The following IGFL2 variants were observed in gnomAD, a reference collection of about 807,000 sequenced individuals.
IGFL2 encodes the protein insulin growth factor-like family member 2.
A neutral mutation model predicts 13.9 loss-of-function variants in IGFL2; 7 were observed. That is an observed-to-expected ratio of 0.51 (90% CI 0.29 to 0.95). IGFL2 has a LOEUF of 0.95. Ranked by LOEUF, IGFL2 falls within the 40% of genes least tolerant of loss-of-function variation. The pLI, the probability that IGFL2 is intolerant of heterozygous loss-of-function variation, is 0.08. For synonymous variants in IGFL2, 55 were observed against 55.8 expected (o/e 0.99, Z 0.07); for missense variants, 138 against 147.8 (o/e 0.93, Z 0.34).
chr19:46,121,635 A>C, the IGFL2 span, among the ~76,000 whole-genome samples: 404 of 150,938 alleles, frequency 2.7e-3, 20 homozygotes, highest in African/African-American at 9.5e-3. Context: ...CGTGACGACT[A>C]TCTGAGGTTA....
downstream of IGFL2, among the ~76,000 whole-genome samples, chr19:46,163,652 G>A (rs779935635): frequency 7.9e-5 from 12 of 152,298 alleles, no homozygotes; most frequent in African/African-American, 2.4e-4. Context: ...TTCAGATGGC[G>A]CTGGAGGCTC....
At chr19:46,095,462 C>T in the IGFL2 span, among the ~76,000 whole-genome samples, 1 of 152,046 alleles carries the variant, frequency 6.6e-6, no homozygotes, top group Admixed American at 6.6e-5. Flanking sequence ...AAAACATTCT[C>T]CCATTCTGCA....
At chr19:46,131,306 T>C in the IGFL2 span, among the ~76,000 whole-genome samples, 8 of 152,228 alleles carry the variant, frequency 5.3e-5, no homozygotes, top group Non-Finnish European at 1.0e-4. Context: ...AGTAGCTTTG[T>C]TTTAAATTTT....
the IGFL2 span, among the ~76,000 whole-genome samples, chr19:46,128,670 C>T: frequency 0.019 from 2,888 of 152,222 alleles, 53 homozygotes; most frequent in South Asian, 0.08. Context: ...TATGTTGAAC[C>T]AACCTTGCAT....
the IGFL2 span, among the ~76,000 whole-genome samples, chr19:46,112,280 T>C: frequency 6.6e-6 from 1 of 152,222 alleles, no homozygotes; most frequent in African/African-American, 2.4e-5. Context: ...TCTGCAATTA[T>C]GACAAAAACC....
chr19:46,124,571 G>A, the IGFL2 span: 2 of 1,519,218 alleles, frequency 1.3e-6, no homozygotes, highest in Non-Finnish European at 1.8e-6. Flanking sequence ...TTGAGGTTTG[G>A]GAGCTGCACT....
chr19:46,206,316 C>T, the IGFL2 span, among the ~76,000 whole-genome samples: 1 of 152,234 alleles, frequency 6.6e-6, no homozygotes, highest in Non-Finnish European at 1.5e-5. Flanking sequence ...GAGATGGCAA[C>T]TCCAGCCCTG....
chr19:46,172,699 T>C, the IGFL2 span, among the ~76,000 whole-genome samples: 3 of 152,208 alleles, frequency 2.0e-5, no homozygotes, highest in East Asian at 1.9e-4. Flanking sequence ...TTATATAATC[T>C]TCCTCACTTT....
At chr19:46,175,048 TAGA>T in the IGFL2 span, among the ~76,000 whole-genome samples, 21 of 152,288 alleles carry the variant, frequency 1.4e-4, no homozygotes, top group East Asian at 3.9e-3. Flanking sequence ...ACAAGAATGA[TAGA>T]AGAGTTTTTA....
intron 1 of IGFL2, chr19:46,149,029 G>C (rs763630735): frequency 6.2e-7 from 1 of 1,605,468 alleles, no homozygotes; most frequent in Non-Finnish European, 8.5e-7. Flanking sequence ...TACCCCAGGA[G>C]TGTGCTGGGT....
chr19:46,210,956 A>G, the IGFL2 span, among the ~76,000 whole-genome samples: 1 of 152,196 alleles, frequency 6.6e-6, no homozygotes, highest in African/African-American at 2.4e-5. Context: ...TTTCCTTCCC[A>G]GAGGGCCTTG....
downstream of IGFL2, among the ~76,000 whole-genome samples, chr19:46,166,196 G>T (rs1285171265): frequency 2.6e-5 from 4 of 152,136 alleles, no homozygotes; most frequent in African/African-American, 9.7e-5. Flanking sequence ...AATCACATAG[G>T]TTCTTTTCTA....
chr19:46,212,364 G>C, the IGFL2 span: 1 of 152,224 alleles, frequency 6.6e-6, no homozygotes, highest in Admixed American at 6.5e-5. Context: ...CACACACACA[G>C]ATCTGACCAC....
At chr19:46,204,328 G>C in the IGFL2 span, 3 of 152,330 alleles carry the variant, frequency 2.0e-5, no homozygotes, top group Non-Finnish European at 2.9e-5. Context: ...GACTGGGGGG[G>C]GTTGCTGGGC....
the IGFL2 span, among the ~76,000 whole-genome samples, chr19:46,172,639 C>T: frequency 2.0e-4 from 30 of 152,236 alleles, no homozygotes; most frequent in East Asian, 5.4e-3. Context: ...TTTTTAAATG[C>T]CAGCTTTAGC....
chr19:46,192,848 C>T, the IGFL2 span, among the ~76,000 whole-genome samples: 1 of 152,048 alleles, frequency 6.6e-6, no homozygotes, highest in African/African-American at 2.4e-5. Flanking sequence ...TTCACTTTGG[C>T]GTAGGTTTCA....
intron 1 of IGFL2, among the ~76,000 whole-genome samples, chr19:46,149,912 G>A (rs1236414114): frequency 2.6e-5 from 4 of 152,098 alleles, no homozygotes; most frequent in South Asian, 2.1e-4. Flanking sequence ...GAATTGCTAC[G>A]CCACATGGTA....
the IGFL2 span, among the ~76,000 whole-genome samples, chr19:46,178,017 G>A: frequency 2.0e-5 from 3 of 152,110 alleles, no homozygotes; most frequent in South Asian, 2.1e-4. Context: ...GGTGGTTCAC[G>A]CCTGTAATCC....
At chr19:46,123,984 G>C in the IGFL2 span, 2 of 1,611,520 alleles carry the variant, frequency 1.2e-6, no homozygotes, top group Non-Finnish European at 8.5e-7. Flanking sequence ...CAAAAGACTC[G>C]GGACAGCAGA....
Sources: allele counts gnomAD v4.1 joint callset (sites outside exome capture counted in the v4.1 genomes callset), GRCh38; gene constraint gnomAD v4.1.1; transcripts MANE v1.5; gene names NCBI Gene and HGNC (gene_info 2026-07-23, HGNC 2026-07-21).